Variants in PRKD3 observed in about 807,000 individuals in gnomAD.
PRKD3 encodes serine/threonine-protein kinase D3.
PRKD3 carries 47 observed loss-of-function variants against 99.2 expected under a neutral mutation model. The observed-to-expected ratio is 0.47, with a 90% CI of 0.38 to 0.60. The LOEUF is 0.60. Ranked by LOEUF, PRKD3 falls within the 20% of genes least tolerant of loss-of-function variation. The pLI is 0.00. For synonymous variants in PRKD3, 392 were observed against 355.4 expected (o/e 1.10, Z -1.16); for missense variants, 1,019 against 1,088.4 (o/e 0.94, Z 0.90).
intron 2 of PRKD3, among the ~76,000 whole-genome samples, chr2:37,307,062 T>C (rs1671199913): frequency 6.6e-6 from 1 of 152,188 alleles, no homozygotes; most frequent in African/African-American, 2.4e-5. Flanking sequence ...CTTTGTTGTA[T>C]GGGGCATCAT....
At chr2:37,259,396 A>C (rs192071072) in intron 16 of PRKD3, among the ~76,000 whole-genome samples, 187 bp downstream of exon 16, 1 of 152,338 alleles carries the variant, frequency 6.6e-6, no homozygotes, top group African/African-American at 2.4e-5. Flanking sequence ...CTTGAATATA[A>C]ACAGTATAAC....
intron 15 of PRKD3, among the ~76,000 whole-genome samples, 173 bp from the exon 16 acceptor site, chr2:37,259,854 A>C (rs975385982): frequency 6.6e-6 from 1 of 152,174 alleles, no homozygotes; most frequent in Non-Finnish European, 1.5e-5. Context: ...AACATGTAAA[A>C]GTACTGCTAT....
chr2:37,296,188 G>A (rs1308615479), intron 2 of PRKD3, among the ~76,000 whole-genome samples: 3 of 152,090 alleles, frequency 2.0e-5, no homozygotes. Flanking sequence ...CAGAAGTTCT[G>A]AATAATGGTA....
In PRKD3 at chr2:37,313,823, G is replaced by A. The variant is rs146611482; in HGVS notation, c.288+2414C>T. Among the ~76,000 whole-genome samples, 684 of 152,270 alleles carry A rather than the reference G, an allele frequency of 4.5e-3. 5 individuals are homozygous for A. Among genetic ancestry groups the A allele is most frequent in the African/African-American group, 0.016 (655 of 41,552 alleles). ...CAACTTACAATAGGATAAACTCACAGCAGATTGAAAATATCATATATCAGA... is the reference window on the plus strand; with the variant it reads ...CAACTTACAATAGGATAAACTCACAACAGATTGAAAATATCATATATCAGA... On this transcript the variant is annotated intron_variant, in intron 2 of 18. Transcript: ENST00000234179.
At chr2:37,269,411 CT>C in intron 13 of PRKD3, 1 of 561,698 alleles carries the variant, frequency 1.8e-6, no homozygotes, top group Non-Finnish European at 3.2e-6. Flanking sequence ...TTTTCTGATT[CT>C]GTTAATTTTT....
chr2:37,303,642 C>T (rs938297652), intron 2 of PRKD3, among the ~76,000 whole-genome samples: 5 of 151,944 alleles, frequency 3.3e-5, no homozygotes, highest in African/African-American at 7.3e-5. Context: ...TTGAGTGTGG[C>T]GGACTGAGTA....
intron 1 of PRKD3, among the ~76,000 whole-genome samples, chr2:37,320,473 C>T (rs192072068): frequency 8.5e-4 from 106 of 124,134 alleles, no homozygotes; most frequent in Admixed American, 4.2e-3. Context: ...GCTCTGTTGC[C>T]TAGGCTGGAG....
Position 37,252,728 on chromosome 2 carries a change from T to C in PRKD3, c.*449A>G, listed in dbSNP as rs1355852826. The C allele has an allele frequency of 6.6e-6, 1 of 151,926 alleles. No homozygotes were observed. 9.4% of individuals were successfully genotyped at this position (151,926 alleles called of 1,614,324 possible). A position where few individuals can be genotyped will look rare whatever the true frequency, so the allele number is the denominator to read the frequency against. On this transcript the variant is annotated 3_prime_UTR_variant, in exon 19 of 19. Coordinates refer to ENST00000234179, the MANE Select transcript of PRKD3 (RefSeq NM_005813.6). The stretch of plus-strand genomic sequence containing the variant: ...GGTAACCTCACAGTTACCTCTTAAA[T>C]ACAAGCCTGTCGAGTAATCAATCTT...
intron 11 of PRKD3, among the ~76,000 whole-genome samples, chr2:37,272,982 G>C (rs924237608): frequency 6.6e-6 from 1 of 151,446 alleles, no homozygotes; most frequent in Non-Finnish European, 1.5e-5. Flanking sequence ...CCTGTCTCTT[G>C]GTGGGGGGAG....
rs766182098 is a variant in PRKD3 at position 37,286,316 on chromosome 2, T to G, written c.771A>C (p.Pro257=). Residue 257 remains proline (P), a synonymous_variant, in exon 6 of 19, where the codon CCA becomes CCC. Coordinates refer to ENST00000234179, the MANE Select transcript of PRKD3 (RefSeq NM_005813.6). Reference sequence around the variant, plus strand: ...ACATTACCATCTTTTCCATCCAGATTGGGCGACCACTCCAAGAAGGAATTC... The same window carrying G: ...ACATTACCATCTTTTCCATCCAGATGGGGCGACCACTCCAAGAAGGAATTC... The part of the protein sequence containing the change: ...SKRIPSWSGR[P]IWMEKMVMCR... 2 of 1,614,152 alleles carry G rather than the reference T, an allele frequency of 1.2e-6. No individual in the cohort carries two copies. The highest frequency in any genetic ancestry group is 1.7e-6 in the Non-Finnish European group (2 of 1,179,998).
At chr2:37,318,254 A>G (rs1572708974) in intron 1 of PRKD3, among the ~76,000 whole-genome samples, 1 of 152,186 alleles carries the variant, frequency 6.6e-6, no homozygotes, top group East Asian at 1.9e-4. Context: ...TGAAGATGAA[A>G]GCTTTCATAG....
chr2:37,270,907 CATGG>C (rs1399084333), intron 12 of PRKD3, among the ~76,000 whole-genome samples: 1 of 152,194 alleles, frequency 6.6e-6, no homozygotes, highest in African/African-American at 2.4e-5. Context: ...TCCCCCATGA[CATGG>C]ATGGAGATAT....
intron 7 of PRKD3, among the ~76,000 whole-genome samples, 197 bp from the exon 8 acceptor site, chr2:37,280,126 C>T (rs113653887): frequency 2.7e-5 from 4 of 149,792 alleles, no homozygotes; most frequent in African/African-American, 9.9e-5. Flanking sequence ...CTCACTGCAA[C>T]CTCTACCTCC....
At chr2:37,274,865 G>C (rs764301411) in intron 10 of PRKD3, among the ~76,000 whole-genome samples, 168 bp from the exon 11 acceptor site, 1 of 152,178 alleles carries the variant, frequency 6.6e-6, no homozygotes, top group Non-Finnish European at 1.5e-5. Context: ...TCTTGAATGA[G>C]CTGCAATGTC....
At chr2:37,262,692 C>T (rs1048141244) in intron 14 of PRKD3, among the ~76,000 whole-genome samples, 2 of 152,088 alleles carry the variant, frequency 1.3e-5, no homozygotes, top group African/African-American at 4.8e-5. Context: ...CCCCCCTGCC[C>T]TCCTTTAAAA....
rs113339757 is a variant in PRKD3, at chr2:37,277,070, C to T, written c.1296+796G>A. Among the ~76,000 whole-genome samples, 769 of 152,122 alleles carry T rather than the reference C, an allele frequency of 5.1e-3. 10 individuals are homozygous for T. The highest frequency in any genetic ancestry group is 0.017 in the African/African-American group (704 of 41,518). Reference sequence around the variant, plus strand: ...GTTATCATACAAAACTTTAGGCCAGCTAAATGTATTGGGTACTTCATTTTA... The same window carrying T: ...GTTATCATACAAAACTTTAGGCCAGTTAAATGTATTGGGTACTTCATTTTA... On this transcript the variant is annotated intron_variant, in intron 9 of 18. Coordinates refer to ENST00000234179, the MANE Select transcript of PRKD3 (RefSeq NM_005813.6).
intron 2 of PRKD3, among the ~76,000 whole-genome samples, chr2:37,294,943 T>G (rs1291939569): frequency 1.3e-5 from 2 of 152,106 alleles, no homozygotes; most frequent in African/African-American, 4.8e-5. Flanking sequence ...GGTGTGGTGG[T>G]GCATGCCTGT....
At chr2:37,274,738 TTTG>T in intron 10 of PRKD3, 41 bp from the exon 11 acceptor site, 3 of 1,544,440 alleles carry the variant, frequency 1.9e-6, no homozygotes, top group Non-Finnish European at 2.6e-6. Context: ...AGAATAGATC[TTTG>T]TTTTTATTTT....
chr2:37,316,099 G>GGTCAT (rs1671643017), intron 2 of PRKD3, 138 bp downstream of exon 2: 1 of 864,000 alleles, frequency 1.2e-6, no homozygotes, highest in African/African-American at 1.7e-5. Flanking sequence ...TAGCCTCAGA[G>GGTCAT]GTCATTAGAA....
Sources: gnomAD v4.1 joint callset for allele counts (sites outside exome capture counted in the v4.1 genomes callset) on GRCh38, gnomAD v4.1.1 for gene constraint, MANE v1.5 for transcripts, NCBI Gene and HGNC (gene_info 2026-07-23, HGNC 2026-07-21) for gene names.